The following VAC14 variants were observed in gnomAD, a reference collection of about 807,000 sequenced individuals.
VAC14 encodes protein VAC14 homolog.
VAC14 carries 47 observed loss-of-function variants against 85.3 expected under a neutral mutation model. The observed-to-expected ratio is 0.55, with a 90% CI of 0.44 to 0.70. The LOEUF is 0.70. VAC14 is among the 30% of genes least tolerant of loss of function. The pLI, the probability that VAC14 is intolerant of heterozygous loss-of-function variation, is 0.00. For missense variants in VAC14, 861 were observed against 1,004.3 expected, an observed-to-expected ratio of 0.86 and a Z score of 1.93; for synonymous variants, 447 against 430.5, an observed-to-expected ratio of 1.04 and a Z score of -0.47.
At chr16:70,704,577 C>T (rs1170612157) in intron 14 of VAC14, among the ~76,000 whole-genome samples, 1 of 152,202 alleles carries the variant, frequency 6.6e-6, no homozygotes, top group African/African-American at 2.4e-5. Flanking sequence ...TGGCCAGTGG[C>T]CTCTCCCCAC....
rs1044478869 is a variant in VAC14 at position 70,691,498 on chromosome 16, C to T, written c.2186+1323G>A. On this transcript the variant is annotated intron_variant, in intron 18 of 18. Coordinates refer to ENST00000261776, the MANE Select transcript of VAC14 (RefSeq NM_018052.5). ...AGTCTCTCGGGAGCTGACAGCACTC[C>T]GGCCCCAGGAACCCACACATGCGCC... The T allele has an allele frequency of 1.5e-5, 15 of 985,336 alleles. No individual in the cohort carries two copies. In the Admixed American group the frequency reaches 6.1e-4, roughly 40 times the overall value. The allele number at this position is 985,336 out of a possible 1,614,324, so 61.0% of individuals were successfully genotyped here.
chr16:70,789,759 T>G (rs1197376310), intron 1 of VAC14, among the ~76,000 whole-genome samples: 1 of 152,194 alleles, frequency 6.6e-6, no homozygotes, highest in Non-Finnish European at 1.5e-5. Context: ...TCCTTGTTCT[T>G]GAAGAATCCA....
chr16:70,741,448 A>C (rs971294010), intron 13 of VAC14, among the ~76,000 whole-genome samples: 1 of 152,222 alleles, frequency 6.6e-6, no homozygotes, highest in African/African-American at 2.4e-5. Flanking sequence ...TTACTGGTTT[A>C]AGCTGACCTT....
At chr16:70,691,204 T>A (rs1411839890) in intron 18 of VAC14, 1 of 985,232 alleles carries the variant, frequency 1.0e-6, no homozygotes, top group Non-Finnish European at 1.2e-6. Context: ...GAGCCTCTGC[T>A]CCCCTCCCAA....
intron 14 of VAC14, chr16:70,731,221 G>A (rs1597899282): frequency 9.2e-7 from 1 of 1,087,256 alleles, no homozygotes; most frequent in Middle Eastern, 3.8e-4. Context: ...TTGAATAAGA[G>A]GCTGTTCCAC....
At chr16:70,696,975 C>A in intron 16 of VAC14, 164 bp downstream of exon 16, 1 of 601,202 alleles carries the variant, frequency 1.7e-6, no homozygotes, top group Non-Finnish European at 3.0e-6. Context: ...ACGTCCCTCC[C>A]CTCCCAGTGT....
intron 13 of VAC14, among the ~76,000 whole-genome samples, chr16:70,737,041 G>A (rs2054778443): frequency 6.6e-6 from 1 of 152,204 alleles, no homozygotes; most frequent in African/African-American, 2.4e-5. Flanking sequence ...GGCTTGAGAT[G>A]CTCTCTGAGG....
intron 1 of VAC14, among the ~76,000 whole-genome samples, chr16:70,796,566 T>C (rs910975527): frequency 7.9e-5 from 12 of 152,180 alleles, no homozygotes; most frequent in African/African-American, 2.4e-4. Flanking sequence ...TGTGAAACCA[T>C]GGGAAGATTA....
rs1185694983 is a variant in VAC14, at chr16:70,695,721, C to G, written c.1956-98G>C. On this transcript the variant is annotated intron_variant, in intron 16 of 18. Transcript: ENST00000261776. ...CCCCCTGCACCTGGCTTCCTGTGCA[C>G]AGAGCCTGGTTGTGGTGAAGCAGGA... The G allele has an allele frequency of 2.6e-6, 3 of 1,175,220 alleles. No individual in the cohort carries two copies. In the African/African-American group the frequency reaches 4.5e-5, roughly 18 times the overall value. The allele number at this position is 1,175,220 out of a possible 1,614,324, so 72.8% of individuals were successfully genotyped here.
At chr16:70,690,780 T>G in intron 18 of VAC14, 1 of 985,264 alleles carries the variant, frequency 1.0e-6, no homozygotes, top group Non-Finnish European at 1.2e-6. Context: ...ATCTGACCCC[T>G]CCCCCAGCTG....
chr16:70,756,590 G>C (rs2031880494), intron 12 of VAC14, among the ~76,000 whole-genome samples: 1 of 152,142 alleles, frequency 6.6e-6, no homozygotes, highest in African/African-American at 2.4e-5. Flanking sequence ...CCAGTGAAGA[G>C]CCCCTCAAGG....
chr16:70,754,086 T>A (rs1401890132), intron 12 of VAC14, among the ~76,000 whole-genome samples: 1 of 152,152 alleles, frequency 6.6e-6, no homozygotes, highest in Non-Finnish European at 1.5e-5. Context: ...CACTGGTCCA[T>A]CTGCCCAGGG....
intron 2 of VAC14, 48 bp from the exon 3 acceptor site, chr16:70,785,917 A>C: frequency 6.4e-7 from 1 of 1,553,450 alleles, no homozygotes; most frequent in Non-Finnish European, 8.7e-7. Flanking sequence ...GTTGGAGCCC[A>C]GGCCCTGCAG....
chr16:70,704,713 A>G (rs1381273467), intron 14 of VAC14, among the ~76,000 whole-genome samples: 3 of 152,214 alleles, frequency 2.0e-5, no homozygotes, highest in African/African-American at 7.2e-5. Flanking sequence ...CTGGCACGTT[A>G]GAGGCTAGGG....
chr16:70,750,590 G>A (rs562061495), intron 12 of VAC14, among the ~76,000 whole-genome samples: 2 of 152,118 alleles, frequency 1.3e-5, no homozygotes, highest in Non-Finnish European at 2.9e-5. Flanking sequence ...TGCTCAGGGC[G>A]AGGGGAGAGG....
At chr16:70,705,317 G>C (rs2053900571) in intron 14 of VAC14, among the ~76,000 whole-genome samples, 1 of 152,226 alleles carries the variant, frequency 6.6e-6, no homozygotes, top group African/African-American at 2.4e-5. Flanking sequence ...TGAGTGTTCA[G>C]CCTGGGAGGA....
intron 9 of VAC14, among the ~76,000 whole-genome samples, chr16:70,774,304 A>C (rs1256038310): frequency 1.3e-5 from 2 of 152,094 alleles, no homozygotes; most frequent in South Asian, 4.1e-4. Flanking sequence ...ACTCTGCAGA[A>C]TGTCTCCCCG....
chr16:70,746,569 C>T lies in VAC14; in HGVS notation c.1372-1990G>A, dbSNP rs531761162. Among the ~76,000 whole-genome samples, 6 of 152,352 alleles carry T rather than the reference C, an allele frequency of 3.9e-5. No individual in the cohort carries two copies. The East Asian group carries it at 9.7e-4, about 25-fold the overall frequency. On this transcript the variant is annotated intron_variant, in intron 12 of 18. Transcript: ENST00000261776. ...TATGGCAGGAGCAAGGGGTGCCCCT[C>T]CACCCAGGCCAGGAGCCGGGGAGCC...
At chr16:70,700,161 C>T (rs749968246) in intron 14 of VAC14, 2 of 152,188 alleles carry the variant, frequency 1.3e-5, no homozygotes, top group Non-Finnish European at 2.9e-5. Context: ...GAAGATTCCT[C>T]CCCACCCCCA....
Sources: gnomAD v4.1 joint callset for allele counts (sites outside exome capture counted in the v4.1 genomes callset) on GRCh38, gnomAD v4.1.1 for gene constraint, MANE v1.5 for transcripts, NCBI Gene and HGNC (gene_info 2026-07-23, HGNC 2026-07-21) for gene names.